Variants in CALCR observed in about 807,000 individuals in gnomAD.
CALCR encodes the protein calcitonin receptor.
A neutral mutation model predicts 59.5 loss-of-function variants in CALCR; 47 were observed. The observed-to-expected ratio is 0.79, with a 90% confidence interval of 0.63 to 1.01. The LOEUF (loss-of-function observed/expected upper bound fraction) is 1.01, where lower values mean the gene tolerates loss of function less well. Ranked by LOEUF, CALCR falls within the 50% of genes least tolerant of loss-of-function variation. The pLI is 0.00. For synonymous variants in CALCR, 213 were observed against 211.3 expected, an observed-to-expected ratio of 1.01 and a Z score of -0.07; for missense variants, 566 against 597.1, an observed-to-expected ratio of 0.95 and a Z score of 0.54.
At position 93,426,533 on chromosome 7, in the gene CALCR, A is replaced by G. The variant is rs750500288; in HGVS notation, c.1248T>C (p.Arg416=). The G allele has an allele frequency of 1.9e-6, 3 of 1,612,894 alleles. No homozygotes were observed. Among genetic ancestry groups the G allele is most frequent in the Non-Finnish European group, 2.5e-6 (3 of 1,179,382 alleles). Residue 416 remains arginine (R), a synonymous_variant, in exon 14 of 14, where the codon CGT becomes CGC. Coordinates refer to ENST00000426151, the MANE Select transcript of CALCR (RefSeq NM_001742.4). ...AGCGGTTGGAGGGGCGCCTCCCCCA[A>G]CGCTGGTTCCACTGAATTTTGAATT... The part of the protein sequence containing the change: ...WAQFKIQWNQ[R]WGRRPSNRSA...
Position 93,479,828 on chromosome 7 carries a change from CAAAT to C in CALCR, c.52-325_52-322del, listed in dbSNP as rs1352971739. 2.6e-5 allele frequency among the ~76,000 whole-genome samples: 4 copies of C among 151,856 alleles called. No individual in the cohort carries two copies. The East Asian group carries it at 7.8e-4, about 30-fold the overall frequency. ...TTCTAAAGTTTAGAAGTAAACAAAA[CAAAT>C]AATCTAATTTCCAAAAAATACAAAT... is the stretch of plus-strand genomic sequence containing the variant. On this transcript the variant is annotated intron_variant, in intron 3 of 13. Transcript: ENST00000426151.
intron 6 of CALCR, among the ~76,000 whole-genome samples, chr7:93,470,774 T>C (rs1008871089): frequency 1.3e-5 from 2 of 151,652 alleles, no homozygotes; most frequent in South Asian, 2.1e-4. Flanking sequence ...TTTTATTTTA[T>C]TTTATTGTTA....
intron 2 of CALCR, among the ~76,000 whole-genome samples, chr7:93,509,752 A>G (rs892410420): frequency 1.3e-5 from 2 of 152,194 alleles, no homozygotes; most frequent in Non-Finnish European, 2.9e-5. Context: ...CCTGACTACG[A>G]ACTTAGAATC....
In CALCR at chr7:93,424,665, T is replaced by C. The variant is rs1188973772; in HGVS notation, c.*1691A>G. 6.6e-6 allele frequency: 1 copy of C among 152,604 alleles called. No individual in the cohort carries two copies. The highest frequency in any genetic ancestry group is 1.5e-5 in the Non-Finnish European group (1 of 68,018). The allele number at this position is 152,604 out of a possible 1,614,324, so 9.5% of individuals were successfully genotyped here. A position where few individuals can be genotyped will look rare whatever the true frequency, so the allele number is the denominator to read the frequency against. ...TTTGTTTTCTTCAACCCCTACTATA[T>C]TAGCATAATAACATCTAAAATATTT... On this transcript the variant is annotated 3_prime_UTR_variant, in exon 14 of 14. Coordinates refer to ENST00000426151, the MANE Select transcript of CALCR (RefSeq NM_001742.4).
At chr7:93,474,163 T>C (rs140048951) in intron 5 of CALCR, among the ~76,000 whole-genome samples, 188 of 151,878 alleles carry the variant, frequency 1.2e-3, no homozygotes, top group Non-Finnish European at 7.2e-4. Flanking sequence ...AGTATATATC[T>C]GAGATTCTGG....
chr7:93,462,943 G>A (rs2115817275), intron 7 of CALCR, among the ~76,000 whole-genome samples: 1 of 151,952 alleles, frequency 6.6e-6, no homozygotes, highest in South Asian at 2.1e-4. Context: ...AAGTGCTAAA[G>A]GAATTTATTT....
chr7:93,520,914 A>C (rs1222283416), intron 2 of CALCR, among the ~76,000 whole-genome samples: 2 of 152,130 alleles, frequency 1.3e-5, no homozygotes, highest in Non-Finnish European at 2.9e-5. Flanking sequence ...GTTGGAGACC[A>C]TTAGCAACAA....
At chr7:93,479,981 T>C (rs1267034867) in intron 3 of CALCR, among the ~76,000 whole-genome samples, 1 of 151,934 alleles carries the variant, frequency 6.6e-6, no homozygotes, top group Admixed American at 6.6e-5. Flanking sequence ...CTGTGTACAC[T>C]GCCAGAAATT....
chr7:93,535,047 A>G (rs1340602543), intron 2 of CALCR, among the ~76,000 whole-genome samples: 1 of 151,722 alleles, frequency 6.6e-6, no homozygotes, highest in Non-Finnish European at 1.5e-5. Flanking sequence ...CTGTGATGCT[A>G]ATCTTCCCAG....
intron 2 of CALCR, among the ~76,000 whole-genome samples, chr7:93,494,908 C>T (rs759072060): frequency 2.4e-4 from 36 of 151,110 alleles, no homozygotes; most frequent in Non-Finnish European, 2.8e-4. Flanking sequence ...GTGGAAAATC[C>T]GGGATGAACT....
chr7:93,429,923 TTTG>T lies in CALCR; in HGVS notation c.1192-3337_1192-3335del, dbSNP rs1425318227. Among the ~76,000 whole-genome samples, 75 of 86,234 alleles carry T rather than the reference TTTG, an allele frequency of 8.7e-4. No individual in the cohort carries two copies. In the East Asian group the frequency reaches 0.033, roughly 38 times the overall value. 56.6% of individuals were successfully genotyped at this position (86,234 alleles called of 152,430 possible). A position where few individuals can be genotyped will look rare whatever the true frequency, so the allele number is the denominator to read the frequency against. On this transcript the variant is annotated intron_variant, in intron 13 of 13. Coordinates refer to ENST00000426151, the MANE Select transcript of CALCR (RefSeq NM_001742.4). ...TTGCACACTTTAGACGGTTTTTTTT[TTTG>T]TTTGTTTGTTTTTTTGTTTTTTTTT...
chr7:93,517,441 A>C (rs1801673889), intron 2 of CALCR, among the ~76,000 whole-genome samples: 1 of 151,820 alleles, frequency 6.6e-6, no homozygotes, highest in African/African-American at 2.4e-5. Context: ...ATCATATATT[A>C]TAAACTAGCA....
At chr7:93,450,824 T>C (rs1478084627) in intron 8 of CALCR, among the ~76,000 whole-genome samples, 1 of 151,954 alleles carries the variant, frequency 6.6e-6, no homozygotes, top group Non-Finnish European at 1.5e-5. Context: ...TTTCAGATAA[T>C]GAACCACTGT....
chr7:93,433,048 G>C (rs1799690924), intron 13 of CALCR, among the ~76,000 whole-genome samples: 1 of 152,096 alleles, frequency 6.6e-6, no homozygotes, highest in Admixed American at 6.5e-5. Flanking sequence ...TGAGTTGGTA[G>C]GTGAATGGAT....
chr7:93,470,461 T>C (rs994788070), intron 6 of CALCR, among the ~76,000 whole-genome samples: 2 of 151,858 alleles, frequency 1.3e-5, no homozygotes, highest in African/African-American at 4.8e-5. Flanking sequence ...CTGTCGGTCT[T>C]TTAAAAAATC....
chr7:93,550,419 C>T (rs372807348), intron 2 of CALCR, among the ~76,000 whole-genome samples: 2 of 128,464 alleles, frequency 1.6e-5, no homozygotes, highest in South Asian at 2.6e-4. Context: ...ACCCGGGAGG[C>T]GGAGATTGCA....
rs112944610 is a variant in CALCR, at chr7:93,474,671, C to T, written c.317-2184G>A. Among the ~76,000 whole-genome samples, 293 of 151,800 alleles carry T rather than the reference C, an allele frequency of 1.9e-3. 4 individuals are homozygous for T. The highest frequency in any genetic ancestry group is 6.6e-3 in the African/African-American group (274 of 41,490). ...ATACTCTCCAGTTCTTCAAAGCACC[C>T]ATTCGATGTGTTTATTGTCTGAGAG... On this transcript the variant is annotated intron_variant, in intron 5 of 13. Transcript: ENST00000426151.
At chr7:93,455,041 C>T (rs895591488) in intron 8 of CALCR, among the ~76,000 whole-genome samples, 17 of 151,746 alleles carry the variant, frequency 1.1e-4, no homozygotes, top group African/African-American at 3.6e-4. Context: ...CAAACTTCCT[C>T]TTCAAAAAAT....
At chr7:93,434,388 T>TTAA in intron 12 of CALCR, 94 bp from the exon 13 acceptor site, 4 of 545,700 alleles carry the variant, frequency 7.3e-6, no homozygotes, top group East Asian at 3.8e-5. Flanking sequence ...GAAGGCCTGA[T>TTAA]GAAAAAAAAA....
Sources: allele counts gnomAD v4.1 joint callset (sites outside exome capture counted in the v4.1 genomes callset), GRCh38; gene constraint gnomAD v4.1.1; transcripts MANE v1.5; gene names NCBI Gene and HGNC (gene_info 2026-07-23, HGNC 2026-07-21).